Variants in PCDHGA1 observed in about 807,000 individuals in gnomAD.
The protein encoded by PCDHGA1 is protocadherin gamma-A1.
Under a neutral mutation model 58.0 loss-of-function variants are expected in PCDHGA1, and 32 were observed. The observed-to-expected ratio is 0.55, with a 90% confidence interval of 0.42 to 0.74. PCDHGA1 has a LOEUF of 0.74. PCDHGA1 is among the 30% of genes least tolerant of loss of function. The probability of loss-of-function intolerance (pLI) is 0.00; values close to 1 mark genes in which losing one functional copy is unlikely to be tolerated. For missense variants in PCDHGA1, 1,205 were observed against 1,182.3 expected, an observed-to-expected ratio of 1.02 and a Z score of -0.28; for synonymous variants, 498 against 501.1, an observed-to-expected ratio of 0.99 and a Z score of 0.08.
intron 1 of PCDHGA1, chr5:141,364,225 G>T (rs1763227856): frequency 2.9e-6 from 4 of 1,362,414 alleles, no homozygotes; most frequent in Non-Finnish European, 3.9e-6. Flanking sequence ...AAAAGCCAAC[G>T]CTCCACGCCC....
At chr5:141,357,720 C>T (rs1760710135) in intron 1 of PCDHGA1, 1 of 1,425,466 alleles carries the variant, frequency 7.0e-7, no homozygotes, top group Non-Finnish European at 9.4e-7. Context: ...ATAAAGTTGC[C>T]TCTTTTAATA....
rs996556361 is a variant in PCDHGA1, at chr5:141,511,290, A to G, written c.*117A>G. 1.3e-6 allele frequency: 2 copies of G among 1,516,984 alleles called. No homozygotes were observed. The highest frequency in any genetic ancestry group is 1.8e-6 in the Non-Finnish European group (2 of 1,129,124). The allele number at this position is 1,516,984 out of a possible 1,614,324, so 94.0% of individuals were successfully genotyped here. ...AACCCCCAGAATACTGGTAGGGGCC[A>G]AGGCCATGCTCCCCTTGGGAAACAG... is the stretch of plus-strand genomic sequence containing the variant. On this transcript the variant is annotated 3_prime_UTR_variant, in exon 4 of 4. Coordinates refer to ENST00000517417, the MANE Select transcript of PCDHGA1 (RefSeq NM_018912.3).
At chr5:141,409,330 C>T (rs920851409) in intron 1 of PCDHGA1, 1 of 1,613,836 alleles carries the variant, frequency 6.2e-7, no homozygotes, top group African/African-American at 1.3e-5. Flanking sequence ...ATCTGGATTT[C>T]GGAGGAAATG....
chr5:141,376,315 A>T, intron 1 of PCDHGA1: 2 of 1,614,178 alleles, frequency 1.2e-6, no homozygotes, highest in Non-Finnish European at 1.7e-6. Flanking sequence ...TGGGCGTGGA[A>T]GGGGTTCGGG....
At chr5:141,358,959 G>T (rs190697556) in intron 1 of PCDHGA1, among the ~76,000 whole-genome samples, 1 of 152,196 alleles carries the variant, frequency 6.6e-6, no homozygotes, top group Admixed American at 6.5e-5. Context: ...CTTTCATTTA[G>T]GTTCTGTGAG....
chr5:141,349,377 A>G (rs1008003671), intron 1 of PCDHGA1, among the ~76,000 whole-genome samples: 2 of 152,110 alleles, frequency 1.3e-5, no homozygotes, highest in African/African-American at 4.8e-5. Context: ...AGTATTTAAT[A>G]TACATTCATA....
intron 1 of PCDHGA1, chr5:141,333,785 C>G (rs1257980679): frequency 6.5e-6 from 1 of 152,818 alleles, no homozygotes; most frequent in Non-Finnish European, 1.5e-5. Context: ...CTCCTGGGCT[C>G]AAGCGATCCT....
chr5:141,390,176 C>T lies in PCDHGA1; in HGVS notation c.2421+57071C>T, dbSNP rs763410454. The T allele has an allele frequency of 5.6e-6, 9 of 1,614,000 alleles. No individual in the cohort carries two copies. In the East Asian group the frequency reaches 1.1e-4, roughly 20 times the overall value. ...ATACAGGAAAGACGGAGTTTAATTT[C>T]CTAAAATGTAGTGAGCAGTTGAGTT... On this transcript the variant is annotated intron_variant, in intron 1 of 3. Transcript: ENST00000517417.
intron 1 of PCDHGA1, chr5:141,383,514 G>C (rs778204328): frequency 6.2e-7 from 1 of 1,612,718 alleles, no homozygotes; most frequent in African/African-American, 1.3e-5. Context: ...GGGAGGAAGA[G>C]CGGGTTCACC....
At chr5:141,359,668 C>T (rs979057333) in intron 1 of PCDHGA1, among the ~76,000 whole-genome samples, 3 of 151,898 alleles carry the variant, frequency 2.0e-5, no homozygotes, top group Non-Finnish European at 4.4e-5. Context: ...TATAAAAATC[C>T]GTTGCCCTAT....
chr5:141,508,919 C>T (rs1166086266), intron 3 of PCDHGA1, among the ~76,000 whole-genome samples: 1 of 151,996 alleles, frequency 6.6e-6, no homozygotes, highest in Non-Finnish European at 1.5e-5. Context: ...GATCTGGCTT[C>T]CTTTTGGAGT....
intron 1 of PCDHGA1, chr5:141,385,154 C>G (rs761681846): frequency 6.2e-7 from 1 of 1,614,208 alleles, no homozygotes; most frequent in Non-Finnish European, 8.5e-7. Flanking sequence ...TTCCTGCAGA[C>G]CTATTCCCAT....
chr5:141,385,196 G>T, intron 1 of PCDHGA1: 1 of 1,614,230 alleles, frequency 6.2e-7, no homozygotes, highest in South Asian at 1.1e-5. Flanking sequence ...TCTCGGAAGA[G>T]TCACCTGATC....
intron 1 of PCDHGA1, chr5:141,354,992 G>A: frequency 1.5e-6 from 1 of 650,704 alleles, no homozygotes; most frequent in Non-Finnish European, 2.4e-6. Flanking sequence ...TCACCAATCA[G>A]GGGGAAAAGA....
At chr5:141,400,431 A>T (rs542969819) in intron 1 of PCDHGA1, 1 of 1,614,034 alleles carries the variant, frequency 6.2e-7, no homozygotes. Context: ...GTAGTGAGCA[A>T]TTGAGTTCAG....
chr5:141,413,365 G>A (rs1046513869), intron 1 of PCDHGA1: 14 of 1,614,000 alleles, frequency 8.7e-6, no homozygotes, highest in Non-Finnish European at 1.2e-5. Flanking sequence ...CCGGGAGCTG[G>A]CGGAGCGCGG....
intron 3 of PCDHGA1, among the ~76,000 whole-genome samples, chr5:141,509,815 TCTC>T (rs1596250992): frequency 6.6e-6 from 1 of 152,226 alleles, no homozygotes; most frequent in East Asian, 1.9e-4. Flanking sequence ...GCCGAGCTCT[TCTC>T]CATCTTCTCT....
intron 1 of PCDHGA1, among the ~76,000 whole-genome samples, chr5:141,482,179 G>A (rs1398839482): frequency 6.6e-6 from 1 of 152,040 alleles, no homozygotes; most frequent in Non-Finnish European, 1.5e-5. Flanking sequence ...AAGGCTTTAC[G>A]ATGCTCCAGT....
At chr5:141,355,030 A>G (rs1383084730) in intron 1 of PCDHGA1, 4 of 976,996 alleles carry the variant, frequency 4.1e-6, no homozygotes, top group African/African-American at 3.3e-5. Flanking sequence ...CAGAATCACA[A>G]GATTTCTGCA....
Sources: gnomAD v4.1 joint callset for allele counts (sites outside exome capture counted in the v4.1 genomes callset) on GRCh38, gnomAD v4.1.1 for gene constraint, MANE v1.5 for transcripts, NCBI Gene and HGNC (gene_info 2026-07-23, HGNC 2026-07-21) for gene names.